Variants in TRPM3 observed in about 807,000 individuals in gnomAD.
The protein encoded by TRPM3 is long transient receptor potential channel 3.
In TRPM3, 77 loss-of-function variants were observed where a neutral mutation model predicts 181.2. The ratio of observed to expected loss-of-function variants is 0.42; its 90% CI spans 0.35 to 0.51. The LOEUF (loss-of-function observed/expected upper bound fraction) is 0.51, where lower values mean the gene tolerates loss of function less well. Ranked by LOEUF, TRPM3 falls within the 20% of genes least tolerant of loss-of-function variation. The pLI, the probability that TRPM3 is intolerant of heterozygous loss-of-function variation, is 0.01. For synonymous variants in TRPM3, 745 were observed against 796.4 expected, an observed-to-expected ratio of 0.94 and a Z score of 1.09; for missense variants, 1,759 against 2,196.7, an observed-to-expected ratio of 0.80 and a Z score of 3.98.
chr9:71,422,275 T>C (rs551369697), intron 1 of TRPM3, among the ~76,000 whole-genome samples: 12 of 152,114 alleles, frequency 7.9e-5, no homozygotes, highest in African/African-American at 2.4e-4. Flanking sequence ...AAGAAGAATA[T>C]GAAAAAGAAA....
At chr9:70,892,965 T>C (rs970039892) in intron 1 of TRPM3, among the ~76,000 whole-genome samples, 1 of 152,198 alleles carries the variant, frequency 6.6e-6, no homozygotes, top group African/African-American at 2.4e-5. Flanking sequence ...AAATACCATC[T>C]ACTCTACTTT....
rs114027711 is a variant in TRPM3, at chr9:71,304,852, G to A, written c.183+141801C>T. 3.9e-3 allele frequency among the ~76,000 whole-genome samples: 597 copies of A among 152,236 alleles called. 5 individuals carry two copies. Among genetic ancestry groups the A allele is most frequent in the African/African-American group, 0.014 (570 of 41,556 alleles). On this transcript the variant is annotated intron_variant, in intron 1 of 24. Coordinates refer to the TRPM3 transcript ENST00000357533. ...TTAGTTTGGTTGGGTTCTGTAGCTC[G>A]GGTGAATCTCTCATTTTGATCATGG...
chr9:71,408,007 G>A (rs1306726867), intron 1 of TRPM3, among the ~76,000 whole-genome samples: 2 of 152,192 alleles, frequency 1.3e-5, no homozygotes, highest in Non-Finnish European at 2.9e-5. Flanking sequence ...GCAGATAATG[G>A]TCCTGACTGT....
chr9:71,341,118 CTT>C (rs981372180), intron 1 of TRPM3, among the ~76,000 whole-genome samples: 5 of 151,910 alleles, frequency 3.3e-5, no homozygotes, highest in Non-Finnish European at 5.9e-5. Flanking sequence ...AAAAGGAACT[CTT>C]ATAAAAAAAA....
upstream of TRPM3, chr9:71,446,968 G>C: frequency 1.1e-6 from 1 of 938,820 alleles, no homozygotes; most frequent in Non-Finnish European, 1.5e-6. Flanking sequence ...GCTCCTGCCA[G>C]AGCCCCGCGC....
At chr9:70,856,417 T>C (rs890682633) in intron 3 of TRPM3, among the ~76,000 whole-genome samples, 2 of 152,208 alleles carry the variant, frequency 1.3e-5, no homozygotes, top group African/African-American at 4.8e-5. Context: ...CTATTTTGTT[T>C]TGTGAAGTGG....
intron 8 of TRPM3, among the ~76,000 whole-genome samples, chr9:70,740,534 C>A (rs2073850945): frequency 6.6e-6 from 1 of 152,080 alleles, no homozygotes; most frequent in Admixed American, 6.6e-5. Context: ...CAAGACTAAG[C>A]AAAAAGAACA....
Position 70,536,674 on chromosome 9 carries a change from TC to T in TRPM3, c.4438del (p.Asp1480ThrfsTer38). ...GTAGTCTGAAGAAAAAGATCTAGTG[TC>T]CATGGAGGTGATGTCCTCAAAATCA... ...SIDFEDITSM[D>X]TRSFSSDYTH... On this transcript the variant is annotated frameshift_variant, in exon 26 of 26. Transcript: ENST00000677713. LOFTEE classifies it high-confidence loss of function. 6.2e-7 allele frequency: 1 copy of T among 1,614,052 alleles called. No individual in the cohort carries two copies. The highest frequency in any genetic ancestry group is 8.5e-7 in the Non-Finnish European group (1 of 1,180,008).
In TRPM3 at chr9:71,375,814, T is replaced by A. The variant is rs142528697; in HGVS notation, c.183+70839A>T. Among the ~76,000 whole-genome samples, 21 of 152,266 alleles carry A rather than the reference T, an allele frequency of 1.4e-4. No individual in the cohort carries two copies. The East Asian group carries it at 4.0e-3, about 29-fold the overall frequency. ...AAAAAGATTACAACTCACCAATGGCTCAGATTGTTAGCATTTTTTAGCAAT... is the reference window on the plus strand; with the variant it reads ...AAAAAGATTACAACTCACCAATGGCACAGATTGTTAGCATTTTTTAGCAAT... On this transcript the variant is annotated intron_variant, in intron 1 of 24. Transcript: ENST00000357533.
chr9:70,556,678 T>C lies in TRPM3; in HGVS notation c.3224-3368A>G, dbSNP rs529522909. Among the ~76,000 whole-genome samples, 25 of 152,254 alleles carry C rather than the reference T, an allele frequency of 1.6e-4. 1 individual carries two copies. In the East Asian group the frequency reaches 4.8e-3, roughly 29 times the overall value. ...TGGAGGTTGCAGTGAGCTGAGATCG[T>C]GTCACTGGACTCTAGCCTTGGTGAC... On this transcript the variant is annotated intron_variant, in intron 22 of 25. Transcript: ENST00000677713.
At chr9:70,901,566 A>G (rs1317170615) in intron 1 of TRPM3, among the ~76,000 whole-genome samples, 1 of 152,186 alleles carries the variant, frequency 6.6e-6, no homozygotes, top group African/African-American at 2.4e-5. Flanking sequence ...TATACTCAGG[A>G]GATTTTTAAT....
intron 1 of TRPM3, among the ~76,000 whole-genome samples, chr9:71,359,698 A>T (rs187313723): frequency 6.6e-6 from 1 of 152,222 alleles, no homozygotes; most frequent in East Asian, 1.9e-4. Context: ...ATGTCCCTAG[A>T]GCTTCACATT....
At chr9:71,363,113 T>C (rs557541707) in intron 1 of TRPM3, among the ~76,000 whole-genome samples, 4 of 152,354 alleles carry the variant, frequency 2.6e-5, no homozygotes, top group African/African-American at 7.2e-5. Flanking sequence ...CATACAATTT[T>C]CATATGGCAA....
Position 70,537,033 on chromosome 9 carries a change from A to G in TRPM3, c.4080T>C (p.Gly1360=), listed in dbSNP as rs767242126. 24 of 1,610,514 alleles carry G rather than the reference A, an allele frequency of 1.5e-5. No individual in the cohort carries two copies. The African/African-American group carries it at 2.5e-4, about 17-fold the overall frequency. ...AAATACTTTCCAACTTTTCTATACCACCTTTGTCTTTCATATTGACCGAAT... is the reference window on the plus strand; with the variant it reads ...AAATACTTTCCAACTTTTCTATACCGCCTTTGTCTTTCATATTGACCGAAT... ...SFYSVNMKDK[G]GIEKLESIFK... The change falls in exon 26 of 26, where the codon GGT becomes GGC. Residue 1360 remains glycine (G), a synonymous_variant. Coordinates refer to ENST00000677713, the MANE Select transcript of TRPM3 (RefSeq NM_001366145.2).
At chr9:70,565,305 T>G (rs1412509911) in intron 22 of TRPM3, among the ~76,000 whole-genome samples, 1 of 152,216 alleles carries the variant, frequency 6.6e-6, no homozygotes, top group Non-Finnish European at 1.5e-5. Flanking sequence ...TTTTTATTTT[T>G]TTTTTGAGAC....
chr9:70,627,030 G>A (rs973931634), intron 12 of TRPM3, among the ~76,000 whole-genome samples: 6 of 152,168 alleles, frequency 3.9e-5, no homozygotes, highest in South Asian at 2.1e-4. Context: ...ATTAATTGAT[G>A]TTGTTGGGAT....
At chr9:70,551,359 G>T (rs2046403313) in intron 24 of TRPM3, among the ~76,000 whole-genome samples, 1 of 152,178 alleles carries the variant, frequency 6.6e-6, no homozygotes, top group South Asian at 2.1e-4. Flanking sequence ...TCTTCTCTGA[G>T]AAAGCAGACA....
chr9:71,115,721 C>T (rs1223774018), intron 1 of TRPM3, among the ~76,000 whole-genome samples: 1 of 152,124 alleles, frequency 6.6e-6, no homozygotes, highest in African/African-American at 2.4e-5. Context: ...CTTGGATGTC[C>T]CAGCCATTTC....
chr9:71,378,439 A>G (rs2092716548), intron 1 of TRPM3, among the ~76,000 whole-genome samples: 2 of 152,132 alleles, frequency 1.3e-5, no homozygotes, highest in Admixed American at 6.6e-5. Context: ...CATATTCCTT[A>G]TCTAATAATG....
Sources: gnomAD v4.1 joint callset for allele counts (sites outside exome capture counted in the v4.1 genomes callset) on GRCh38, gnomAD v4.1.1 for gene constraint, MANE v1.5 for transcripts, NCBI Gene and HGNC (gene_info 2026-07-23, HGNC 2026-07-21) for gene names.